NBAS: variants seen among roughly 807,000 people sequenced by gnomAD.
The protein encoded by NBAS is NBAS subunit of NRZ tethering complex.
A neutral mutation model predicts 302.5 loss-of-function variants in NBAS; 219 were observed. The ratio of observed to expected loss-of-function variants is 0.72; its 90% CI spans 0.65 to 0.81. NBAS has a LOEUF of 0.81. NBAS is among the 30% of genes least tolerant of loss of function. The pLI, the probability that NBAS is intolerant of heterozygous loss-of-function variation, is 0.00. For missense variants in NBAS, 2,932 were observed against 2,841.6 expected, an observed-to-expected ratio of 1.03 and a Z score of -0.72; for synonymous variants, 1,118 against 1,021.6, an observed-to-expected ratio of 1.09 and a Z score of -1.80.
the NBAS span, among the ~76,000 whole-genome samples, chr2:15,033,888 C>T: frequency 6.6e-6 from 1 of 151,396 alleles, no homozygotes; most frequent in African/African-American, 2.4e-5. Flanking sequence ...GCAGAGTTTG[C>T]AGTAAACTGA....
At position 15,175,430 on chromosome 2, in the gene NBAS, A is replaced by G. The variant is rs752456402; in HGVS notation, c.6840+3558T>C. The stretch of plus-strand genomic sequence containing the variant: ...CGGGAATTACAAAATGGGAATTTTC[A>G]GCATACAAAGCCGTTATAAATACGT... On this transcript the variant is annotated intron_variant, in intron 51 of 51. Transcript: ENST00000281513. 5.3e-5 allele frequency among the ~76,000 whole-genome samples: 8 copies of G among 152,226 alleles called. No homozygotes were observed. The South Asian group carries it at 8.3e-4, about 16-fold the overall frequency.
intron 38 of NBAS, among the ~76,000 whole-genome samples, chr2:15,324,362 T>C (rs777893288): frequency 2.0e-5 from 3 of 152,224 alleles, no homozygotes; most frequent in Non-Finnish European, 4.4e-5. Context: ...TCTCCAGGTA[T>C]TGGAATAGCC....
chr2:15,147,584 C>T, the NBAS span, among the ~76,000 whole-genome samples: 1 of 152,094 alleles, frequency 6.6e-6, no homozygotes, highest in East Asian at 1.9e-4. Flanking sequence ...AAGAGCGAAA[C>T]TCCGTCTCAA....
chr2:14,826,676 A>G, the NBAS span, among the ~76,000 whole-genome samples: 1 of 152,218 alleles, frequency 6.6e-6, no homozygotes, highest in Non-Finnish European at 1.5e-5. Flanking sequence ...AGAGAGGCTG[A>G]CTGAGTCATG....
chr2:15,364,991 C>A (rs1444242196), intron 32 of NBAS, among the ~76,000 whole-genome samples: 1 of 152,096 alleles, frequency 6.6e-6, no homozygotes, highest in African/African-American at 2.4e-5. Context: ...TTTCTTAATT[C>A]CCCAGGCAAA....
chr2:15,467,266 G>C, intron 19 of NBAS, 63 bp downstream of exon 19: 1 of 1,159,762 alleles, frequency 8.6e-7, no homozygotes. Context: ...TATTAGGGCA[G>C]CCATAGCATT....
At chr2:14,873,051 T>C in the NBAS span, among the ~76,000 whole-genome samples, 15 of 152,244 alleles carry the variant, frequency 9.9e-5, no homozygotes, top group South Asian at 2.1e-4. Flanking sequence ...TCTCGGCAGG[T>C]GGCCGAGGCT....
chr2:15,234,707 C>T lies in NBAS; in HGVS notation c.5984G>A (p.Arg1995Gln), dbSNP rs140373332. 686 of 1,614,066 alleles carry T rather than the reference C, an allele frequency of 4.3e-4. 1 individual carries two copies. The highest frequency in any genetic ancestry group is 1.1e-3 in the South Asian group (102 of 91,072). ...ATCATGAAGTTTCTCTTTTTCTGAT[C>T]GGGACAGATCATAGAGGTGACTGTA... ...QKYSHLYDLS[R>Q]SEKEKLHDEA... Residue 1995 changes from arginine to glutamine, a missense_variant, in exon 46 of 52, where the codon CGA becomes CAA. Physicochemically the swap from Arg to Gln is conservative, Grantham distance 43 (BLOSUM62 1). Transcript: ENST00000281513.
At chr2:14,800,796 T>TG in the NBAS span, among the ~76,000 whole-genome samples, 442 of 151,244 alleles carry the variant, frequency 2.9e-3, 6 homozygotes, top group African/African-American at 9.9e-3. Flanking sequence ...TTTTTGTTTT[T>TG]TTTTTTTTAG....
At chr2:15,257,893 T>C (rs1436417619) in intron 44 of NBAS, among the ~76,000 whole-genome samples, 2 of 152,166 alleles carry the variant, frequency 1.3e-5, no homozygotes, top group Non-Finnish European at 2.9e-5. Flanking sequence ...AAATATAAAA[T>C]AGAAAACTGA....
chr2:14,962,802 G>A, the NBAS span, among the ~76,000 whole-genome samples: 2 of 152,120 alleles, frequency 1.3e-5, no homozygotes, highest in South Asian at 2.1e-4. Flanking sequence ...CTGCATTTTA[G>A]GACACTGAAA....
chr2:15,121,911 A>G, the NBAS span, among the ~76,000 whole-genome samples: 37 of 152,232 alleles, frequency 2.4e-4, no homozygotes, highest in South Asian at 5.6e-3. Flanking sequence ...TACTTATCGT[A>G]TGTACTTTAT....
At chr2:15,021,124 C>T in the NBAS span, among the ~76,000 whole-genome samples, 1 of 152,016 alleles carries the variant, frequency 6.6e-6, no homozygotes, top group African/African-American at 2.4e-5. Flanking sequence ...CCCATCTACT[C>T]AGGGAGGCTG....
At chr2:15,482,159 TTC>T (rs1293708740) in intron 12 of NBAS, among the ~76,000 whole-genome samples, 5 of 152,290 alleles carry the variant, frequency 3.3e-5, no homozygotes, top group Admixed American at 3.3e-4. Context: ...TAGACAAGGT[TTC>T]TCTCTGTCAC....
the NBAS span, among the ~76,000 whole-genome samples, chr2:15,020,712 T>C: frequency 6.6e-6 from 1 of 152,156 alleles, no homozygotes; most frequent in Non-Finnish European, 1.5e-5. Flanking sequence ...AGCTAAGATA[T>C]GAGAGTGGCT....
chr2:15,386,577 G>A (rs1558292983), intron 28 of NBAS, among the ~76,000 whole-genome samples: 1 of 152,048 alleles, frequency 6.6e-6, no homozygotes, highest in Admixed American at 6.6e-5. Flanking sequence ...ATACACACAT[G>A]GGGATCACTC....
chr2:14,815,765 C>T, the NBAS span, among the ~76,000 whole-genome samples: 1 of 152,130 alleles, frequency 6.6e-6, no homozygotes, highest in Non-Finnish European at 1.5e-5. Context: ...CACCTCAAAC[C>T]AAACAAATCT....
intron 9 of NBAS, among the ~76,000 whole-genome samples, chr2:15,528,429 T>G (rs1332206347): frequency 1.4e-5 from 2 of 147,810 alleles, no homozygotes; most frequent in African/African-American, 4.9e-5. Flanking sequence ...TATGTTTATA[T>G]AATATATATT....
chr2:15,543,661 C>G (rs551077719), intron 6 of NBAS, among the ~76,000 whole-genome samples: 5 of 152,116 alleles, frequency 3.3e-5, no homozygotes, highest in Admixed American at 6.6e-5. Context: ...CAGAAACCCC[C>G]GATAAAACCA....
Sources: allele counts gnomAD v4.1 joint callset (sites outside exome capture counted in the v4.1 genomes callset), GRCh38; gene constraint gnomAD v4.1.1; transcripts MANE v1.5; gene names NCBI Gene and HGNC (gene_info 2026-07-23, HGNC 2026-07-21).